MAGI2: variants seen among roughly 807,000 people sequenced by gnomAD.
The protein encoded by MAGI2 is membrane-associated guanylate kinase, WW and PDZ domain-containing protein 2.
A neutral mutation model predicts 133.3 loss-of-function variants in MAGI2; 35 were observed. The ratio of observed to expected loss-of-function variants is 0.26; its 90% CI spans 0.20 to 0.35. The LOEUF (loss-of-function observed/expected upper bound fraction) is 0.35, where lower values mean the gene tolerates loss of function less well. Among genes scored for constraint, MAGI2 ranks in the 10% least tolerant of loss-of-function variants. The probability of loss-of-function intolerance (pLI) is 1.00; values close to 1 mark genes in which losing one functional copy is unlikely to be tolerated. For synonymous variants in MAGI2, 729 were observed against 710.6 expected (o/e 1.03, Z -0.41); for missense variants, 1,636 against 1,863.4 (o/e 0.88, Z 2.25).
At chr7:78,757,927 C>G (rs1444551583) in intron 2 of MAGI2, among the ~76,000 whole-genome samples, 2 of 152,156 alleles carry the variant, frequency 1.3e-5, no homozygotes, top group African/African-American at 4.8e-5. Context: ...GAACGATACA[C>G]CCAGCTGCCT....
Position 78,337,135 on chromosome 7 carries a change from A to T in MAGI2, c.1408+6643T>A, listed in dbSNP as rs543093769. 2.0e-5 allele frequency among the ~76,000 whole-genome samples: 3 copies of T among 152,368 alleles called. No homozygotes were observed. The South Asian group carries it at 6.2e-4, about 32-fold the overall frequency. Reference sequence around the variant, plus strand: ...CTGTGGTTTCTGTGTAAGCCATGTTACATCAAACTTGATTTTTAAAATACT... The same window carrying T: ...CTGTGGTTTCTGTGTAAGCCATGTTTCATCAAACTTGATTTTTAAAATACT... On this transcript the variant is annotated intron_variant, in intron 9 of 21. Transcript: ENST00000354212.
intron 2 of MAGI2, among the ~76,000 whole-genome samples, chr7:78,878,613 C>A (rs1795608485): frequency 6.6e-6 from 1 of 152,008 alleles, no homozygotes; most frequent in Non-Finnish European, 1.5e-5. Context: ...CTTTTATTAC[C>A]AATAAAAAAT....
At chr7:79,325,753 A>G (rs1043760586) in intron 1 of MAGI2, among the ~76,000 whole-genome samples, 2 of 152,180 alleles carry the variant, frequency 1.3e-5, no homozygotes, top group South Asian at 2.1e-4. Flanking sequence ...TTTGGTTTGC[A>G]TGTGTATAAA....
chr7:78,657,547 A>G (rs916069945), intron 2 of MAGI2, among the ~76,000 whole-genome samples: 1 of 152,230 alleles, frequency 6.6e-6, no homozygotes, highest in Admixed American at 6.5e-5. Context: ...ACTAAGTGAA[A>G]GATGCCAATG....
At chr7:79,269,062 A>G (rs1203752104) in intron 1 of MAGI2, among the ~76,000 whole-genome samples, 1 of 152,230 alleles carries the variant, frequency 6.6e-6, no homozygotes, top group Non-Finnish European at 1.5e-5. Flanking sequence ...GTAAATTTCA[A>G]TACGCTTTTA....
intron 3 of MAGI2, among the ~76,000 whole-genome samples, chr7:78,591,390 G>A (rs1053554724): frequency 6.6e-6 from 1 of 152,236 alleles, no homozygotes; most frequent in Non-Finnish European, 1.5e-5. Context: ...GGTATCTAAT[G>A]TAGCCACATC....
chr7:78,382,597 C>T (rs904544201), intron 6 of MAGI2, among the ~76,000 whole-genome samples: 5 of 151,942 alleles, frequency 3.3e-5, no homozygotes, highest in East Asian at 3.9e-4. Context: ...TTTTGTTACA[C>T]GTATATAATG....
chr7:78,891,449 C>G (rs1344818634), intron 2 of MAGI2, among the ~76,000 whole-genome samples: 1 of 152,154 alleles, frequency 6.6e-6, no homozygotes, highest in African/African-American at 2.4e-5. Flanking sequence ...AGACCAATAT[C>G]CCTGATGAAC....
chr7:78,497,939 G>T (rs1584402359), intron 5 of MAGI2, among the ~76,000 whole-genome samples: 1 of 152,108 alleles, frequency 6.6e-6, no homozygotes, highest in Non-Finnish European at 1.5e-5. Context: ...CTGTACAAGA[G>T]AAAAGTTTTT....
intron 1 of MAGI2, among the ~76,000 whole-genome samples, chr7:79,045,578 G>C (rs773558816): frequency 6.6e-6 from 1 of 152,126 alleles, no homozygotes; most frequent in Non-Finnish European, 1.5e-5. Context: ...GGATCACGAG[G>C]TCAGGAGATC....
intron 1 of MAGI2, among the ~76,000 whole-genome samples, chr7:79,245,126 C>T (rs1692236100): frequency 6.6e-6 from 1 of 152,112 alleles, no homozygotes; most frequent in African/African-American, 2.4e-5. Context: ...GTAGTAATAC[C>T]CAGGCAGTAC....
At chr7:78,330,745 G>A (rs1170759993) in intron 9 of MAGI2, among the ~76,000 whole-genome samples, 1 of 151,860 alleles carries the variant, frequency 6.6e-6, no homozygotes, top group Non-Finnish European at 1.5e-5. Flanking sequence ...GTCAGACACA[G>A]GTTTTGATCT....
intron 2 of MAGI2, among the ~76,000 whole-genome samples, chr7:78,697,126 C>T (rs969715996): frequency 1.1e-4 from 17 of 152,130 alleles, no homozygotes; most frequent in African/African-American, 4.1e-4. Flanking sequence ...TCCTTTTCAT[C>T]TCTCTAACAT....
chr7:78,527,096 C>A (rs1797043398), intron 3 of MAGI2, among the ~76,000 whole-genome samples: 1 of 146,856 alleles, frequency 6.8e-6, no homozygotes, highest in African/African-American at 2.5e-5. Context: ...AGCCCATTGT[C>A]AATAATTTAT....
chr7:78,558,656 C>G (rs926586924), intron 3 of MAGI2, among the ~76,000 whole-genome samples: 1 of 151,978 alleles, frequency 6.6e-6, no homozygotes, highest in East Asian at 1.9e-4. Flanking sequence ...TTCTTCACTG[C>G]CTTTTTGGGT....
At chr7:79,056,228 C>CAACA (rs149902411) in intron 1 of MAGI2, among the ~76,000 whole-genome samples, 1 of 149,246 alleles carries the variant, frequency 6.7e-6, no homozygotes, top group African/African-American at 2.5e-5. Flanking sequence ...CAAAAAACAA[C>CAACA]AAAAAAAAAA....
intron 2 of MAGI2, among the ~76,000 whole-genome samples, chr7:78,890,997 G>A (rs1796700130): frequency 6.6e-6 from 1 of 151,908 alleles, no homozygotes; most frequent in Non-Finnish European, 1.5e-5. Flanking sequence ...TAATAAAGAA[G>A]AAAAGAGAGA....
At chr7:78,666,900 A>G (rs1813654445) in intron 2 of MAGI2, among the ~76,000 whole-genome samples, 1 of 152,148 alleles carries the variant, frequency 6.6e-6, no homozygotes, top group Non-Finnish European at 1.5e-5. Flanking sequence ...CAGTTTCTTC[A>G]ACACCACTGG....
At chr7:78,844,826 A>C (rs1792453031) in intron 2 of MAGI2, among the ~76,000 whole-genome samples, 1 of 148,298 alleles carries the variant, frequency 6.7e-6, no homozygotes, top group Non-Finnish European at 1.5e-5. Context: ...TATCTCAATA[A>C]AAATAAACAA....
Sources: allele counts gnomAD v4.1 joint callset (sites outside exome capture counted in the v4.1 genomes callset), GRCh38; gene constraint gnomAD v4.1.1; transcripts MANE v1.5; gene names NCBI Gene and HGNC (gene_info 2026-07-23, HGNC 2026-07-21).